Variants in KCNJ10 observed in about 807,000 individuals in gnomAD.
KCNJ10 encodes ATP-sensitive inward rectifier potassium channel 10.
A neutral mutation model predicts 22.2 loss-of-function variants in KCNJ10; 9 were observed. That is an observed-to-expected ratio of 0.40 (90% CI 0.24 to 0.71). The LOEUF (loss-of-function observed/expected upper bound fraction) is 0.71. KCNJ10 is among the 30% of genes least tolerant of loss of function. KCNJ10 has a pLI of 0.35. For synonymous variants in KCNJ10, 184 were observed against 187.3 expected (o/e 0.98, Z 0.15); for missense variants, 337 against 482.7 (o/e 0.70, Z 2.83).
chr1:160,069,833 G>T (rs1346108820), intron 1 of KCNJ10, among the ~76,000 whole-genome samples, 189 bp downstream of exon 1: 2 of 152,186 alleles, frequency 1.3e-5, no homozygotes, highest in African/African-American at 2.4e-5. Flanking sequence ...TAGTTTCCTC[G>T]TGGGGAGCCC....
chr1:160,061,802 AG>A (rs951153472), intron 1 of KCNJ10, among the ~76,000 whole-genome samples: 4 of 150,056 alleles, frequency 2.7e-5, no homozygotes, highest in African/African-American at 9.9e-5. Flanking sequence ...ATATGCCAGG[AG>A]GTGGTGTTGT....
rs140098342 is a variant in KCNJ10 at position 160,068,828 on chromosome 1, C to T, written c.-1+1194G>A. On this transcript the variant is annotated intron_variant, in intron 1 of 1. Coordinates refer to ENST00000644903, the MANE Select transcript of KCNJ10 (RefSeq NM_002241.5). ...TAAATTGAACTCACTGGTGGCTGCC[C>T]ACCCCTCCTGGGGCTAATTTCATGA... is the stretch of plus-strand genomic sequence containing the variant. Among the ~76,000 whole-genome samples the T allele has an allele frequency of 3.4e-3, 511 of 152,310 alleles. 3 individuals carry two copies. The highest frequency in any genetic ancestry group is 0.012 in the African/African-American group (494 of 41,578).
chr1:160,041,015 C>A lies in KCNJ10; in HGVS notation c.*378G>T. 1 of 346,518 alleles carries A rather than the reference C, an allele frequency of 2.9e-6. No individual in the cohort carries two copies. The highest frequency in any genetic ancestry group is 5.4e-6 in the Non-Finnish European group (1 of 184,634). 21.5% of individuals were successfully genotyped at this position (346,518 alleles called of 1,614,324 possible). A position where few individuals can be genotyped will look rare whatever the true frequency, so the allele number is the denominator to read the frequency against. On this transcript the variant is annotated 3_prime_UTR_variant, in exon 2 of 2. Coordinates refer to ENST00000644903, the MANE Select transcript of KCNJ10 (RefSeq NM_002241.5). This position sits in a 1 kb window ranked among gnomAD's most constrained non-coding sequence, Gnocchi z 4.4. ...GGAAAGGTAACAGAGGGAGCTCCAG[C>A]CTCAAGTCACCAAACTTCATGGTGG... is the stretch of plus-strand genomic sequence containing the variant.
intron 1 of KCNJ10, among the ~76,000 whole-genome samples, chr1:160,065,423 G>A (rs1444037596): frequency 6.6e-6 from 1 of 152,174 alleles, no homozygotes; most frequent in Non-Finnish European, 1.5e-5. Flanking sequence ...ATCTGACGGA[G>A]GTACAGGCCT....
chr1:160,069,558 C>T (rs546810173), intron 1 of KCNJ10, among the ~76,000 whole-genome samples: 1 of 152,266 alleles, frequency 6.6e-6, no homozygotes, highest in South Asian at 2.1e-4. Context: ...CTGTTTTTCT[C>T]CCCATGTGGG....
intron 1 of KCNJ10, among the ~76,000 whole-genome samples, chr1:160,068,690 A>G (rs769257790): frequency 1.1e-4 from 16 of 152,084 alleles, no homozygotes; most frequent in Non-Finnish European, 2.4e-4. Context: ...TACCCAGTCT[A>G]CCCCCAGAGA....
At chr1:160,045,222 AG>A (rs1182934676) in intron 1 of KCNJ10, among the ~76,000 whole-genome samples, 1 of 152,212 alleles carries the variant, frequency 6.6e-6, no homozygotes, top group Admixed American at 6.5e-5. Context: ...GGACCATGAT[AG>A]CCTGGAATTC....
chr1:160,051,677 C>G (rs1395103355), intron 1 of KCNJ10, among the ~76,000 whole-genome samples: 1 of 151,924 alleles, frequency 6.6e-6, no homozygotes, highest in Non-Finnish European at 1.5e-5. Context: ...CAGGATGTAT[C>G]CAAGGGTTGG....
At chr1:160,043,577 G>A (rs761433894) in intron 1 of KCNJ10, among the ~76,000 whole-genome samples, 2 of 152,244 alleles carry the variant, frequency 1.3e-5, no homozygotes, top group African/African-American at 2.4e-5. Context: ...ATAAGCAGTG[G>A]TGGAGGAGAA....
chr1:160,048,694 G>A (rs1648808559), intron 1 of KCNJ10, among the ~76,000 whole-genome samples: 1 of 152,202 alleles, frequency 6.6e-6, no homozygotes, highest in Admixed American at 6.5e-5. Flanking sequence ...TCCTAAAATA[G>A]TTAAAGGGAC....
At chr1:160,051,297 A>G (rs181168768) in intron 1 of KCNJ10, among the ~76,000 whole-genome samples, 6 of 152,068 alleles carry the variant, frequency 3.9e-5, no homozygotes. Context: ...CCTCTTGCAA[A>G]TGTTTGGTTC....
Position 160,042,248 on chromosome 1 carries a change from G to T in KCNJ10, c.285C>A (p.Asp95Glu). 6.2e-7 allele frequency: 1 copy of T among 1,614,068 alleles called. No individual in the cohort carries two copies. The highest frequency in any genetic ancestry group is 2.2e-5 in the East Asian group (1 of 44,878). Reference sequence around the variant, plus strand: ...TGGCCGGGGGGTCCAGCTCCAGCAGGTCCCCATGTGCCACAGCTACCAGAT... The same window carrying T: ...TGGCCGGGGGGTCCAGCTCCAGCAGTTCCCCATGTGCCACAGCTACCAGAT... Reference protein sequence around the residue: ...VWYLVAVAHGDLLELDPPANH... With the variant: ...VWYLVAVAHGELLELDPPANH... The change falls in exon 2 of 2, where the codon GAC becomes GAA. Residue 95 changes from aspartate to glutamate, a missense_variant. Transcript: ENST00000644903.
At chr1:160,063,252 G>T (rs1426459360) in intron 1 of KCNJ10, among the ~76,000 whole-genome samples, 1 of 152,210 alleles carries the variant, frequency 6.6e-6, no homozygotes, top group Non-Finnish European at 1.5e-5. Flanking sequence ...AAAGGGCAGG[G>T]CCAGAAGGCA....
chr1:160,048,227 G>GGCCCCCCCTGAGGGCTGCAGTTTTTATCT (rs67364310), intron 1 of KCNJ10, among the ~76,000 whole-genome samples: 4 of 151,948 alleles, frequency 2.6e-5, no homozygotes, highest in African/African-American at 9.7e-5. Context: ...GACGGGCCAA[G>GGCCCCCCCTGAGGGCTGCAGTTTTTATCT]GCCTCACAGG....
At position 160,041,154 on chromosome 1, in the gene KCNJ10, C is replaced by A. The variant is rs971753248; in HGVS notation, c.*239G>T. 3 of 570,518 alleles carry A rather than the reference C, an allele frequency of 5.3e-6. No individual in the cohort carries two copies. The highest frequency in any genetic ancestry group is 6.3e-6 in the Non-Finnish European group (2 of 318,180). The allele number at this position is 570,518 out of a possible 1,614,324, so 35.3% of individuals were successfully genotyped here. On this transcript the variant is annotated 3_prime_UTR_variant, in exon 2 of 2. Transcript: ENST00000644903. The surrounding 1 kb of genome is among the most constrained non-coding windows in gnomAD (Gnocchi z 4.4). ...TTCAGCCTAATCCCACTCTTTCCCC[C>A]ATCCTGGCTTAAGGGAGGTATGTGT...
intron 1 of KCNJ10, among the ~76,000 whole-genome samples, chr1:160,057,572 C>T (rs1029965350): frequency 3.9e-5 from 6 of 152,216 alleles, no homozygotes; most frequent in Non-Finnish European, 7.3e-5. Flanking sequence ...TACTATCCCT[C>T]AGCCTCTCGC....
At chr1:160,058,199 C>T (rs1649087968) in intron 1 of KCNJ10, among the ~76,000 whole-genome samples, 1 of 152,194 alleles carries the variant, frequency 6.6e-6, no homozygotes, top group Non-Finnish European at 1.5e-5. Context: ...ATGTGCCACC[C>T]ACTTCATCCT....
chr1:160,061,683 G>T (rs1057499606), intron 1 of KCNJ10, among the ~76,000 whole-genome samples: 3 of 145,040 alleles, frequency 2.1e-5, no homozygotes, highest in African/African-American at 7.5e-5. Context: ...GCAGCAGAGG[G>T]CAGCAAGGGC....
intron 1 of KCNJ10, among the ~76,000 whole-genome samples, chr1:160,068,467 C>A (rs555511977): frequency 3.4e-4 from 52 of 152,254 alleles, no homozygotes; most frequent in African/African-American, 1.1e-3. Flanking sequence ...CCCTCTCCCT[C>A]CCTTCCTCCC....
Sources: gnomAD v4.1 joint callset for allele counts (sites outside exome capture counted in the v4.1 genomes callset) on GRCh38, gnomAD v4.1.1 for gene constraint, Gnocchi (gnomAD v3.1) non-coding constraint, MANE v1.5 for transcripts, NCBI Gene and HGNC (gene_info 2026-07-23, HGNC 2026-07-21) for gene names.